CRACD: variants seen among roughly 807,000 people sequenced by gnomAD.
CRACD encodes capping protein inhibiting regulator of actin dynamics.
A neutral mutation model predicts 106.8 loss-of-function variants in CRACD; 56 were observed. The ratio of observed to expected loss-of-function variants is 0.52; its 90% CI spans 0.42 to 0.66. CRACD has a LOEUF of 0.66. Among genes scored for constraint, CRACD ranks in the 30% least tolerant of loss-of-function variants. The pLI, the probability that CRACD is intolerant of heterozygous loss-of-function variation, is 0.00. For synonymous variants in CRACD, 754 were observed against 670.8 expected, an observed-to-expected ratio of 1.12 and a Z score of -1.92; for missense variants, 1,730 against 1,623.2, an observed-to-expected ratio of 1.07 and a Z score of -1.13.
chr4:56,308,295 AT>A (rs1379951790), intron 5 of CRACD, among the ~76,000 whole-genome samples: 2 of 10,856 alleles, frequency 1.8e-4, no homozygotes, highest in East Asian at 2.0e-3. Context: ...AGAAAGTCAC[AT>A]TCCAGCACCA....
chr4:56,079,856 T>C (rs1049720480), intron 1 of CRACD, among the ~76,000 whole-genome samples: 3 of 152,316 alleles, frequency 2.0e-5, no homozygotes, highest in Admixed American at 2.0e-4. Context: ...GGAAGGCAAG[T>C]GTAGGTTTAC....
chr4:56,315,672 G>A lies in CRACD; in HGVS notation c.2170G>A (p.Ala724Thr). The A allele has an allele frequency of 6.2e-7, 1 of 1,614,216 alleles. No individual in the cohort carries two copies. Among genetic ancestry groups the A allele is most frequent in the Non-Finnish European group, 8.5e-7 (1 of 1,180,046 alleles). Reference protein sequence around the residue: ...PVNAKFSIMPAWQKFSDGGTE... With the variant: ...PVNAKFSIMPTWQKFSDGGTE... ...CAATGCAAAGTTCTCTATTATGCCT[G>A]CCTGGCAGAAATTTTCCGATGGTGG... The change falls in exon 8 of 11, where the codon GCC becomes ACC. Residue 724 changes from alanine to threonine, a missense_variant. Ala to Thr is a moderately conservative substitution (Grantham distance 58). Around this residue, in one of 5 missense-constraint regions of CRACD, gnomAD observed 1,620 missense variants for 1,481.6 expected, o/e 1.09. Transcript: ENST00000682029. The surrounding 1 kb of genome is among the most constrained non-coding windows in gnomAD (Gnocchi z 4.1).
At chr4:56,323,154 C>G (rs1746209493) in intron 8 of CRACD, among the ~76,000 whole-genome samples, 1 of 152,152 alleles carries the variant, frequency 6.6e-6, no homozygotes, top group African/African-American at 2.4e-5. Flanking sequence ...GTAACTTCTT[C>G]CATTTCTAGG....
At chr4:56,198,006 A>G (rs1346357765) in intron 2 of CRACD, among the ~76,000 whole-genome samples, 1 of 151,884 alleles carries the variant, frequency 6.6e-6, no homozygotes, top group East Asian at 1.9e-4. Context: ...TAAGAAATGC[A>G]TCCTATTTTT....
intron 1 of CRACD, among the ~76,000 whole-genome samples, chr4:56,132,489 T>C (rs550362572): frequency 2.0e-4 from 31 of 152,200 alleles, no homozygotes; most frequent in African/African-American, 7.0e-4. Flanking sequence ...GCTACAGGGG[T>C]GCACCACCAC....
chr4:56,159,032 G>A (rs1255379845), intron 1 of CRACD, among the ~76,000 whole-genome samples: 3 of 152,206 alleles, frequency 2.0e-5, no homozygotes, highest in Non-Finnish European at 4.4e-5. Context: ...GTGGTTGCAT[G>A]TTGTATGTTA....
At chr4:56,087,365 G>A (rs1320936396) in intron 1 of CRACD, among the ~76,000 whole-genome samples, 1 of 152,162 alleles carries the variant, frequency 6.6e-6, no homozygotes, top group Non-Finnish European at 1.5e-5. Context: ...TGCATTTTCA[G>A]TCCTTTCCTA....
At chr4:56,153,767 A>G (rs556780747) in intron 1 of CRACD, among the ~76,000 whole-genome samples, 2 of 152,308 alleles carry the variant, frequency 1.3e-5, no homozygotes, top group East Asian at 3.9e-4. Context: ...CAAGGGAAAC[A>G]TAACTTCTTT....
At chr4:56,222,492 A>G (rs1015171736) in intron 2 of CRACD, among the ~76,000 whole-genome samples, 5 of 152,208 alleles carry the variant, frequency 3.3e-5, no homozygotes, top group Non-Finnish European at 7.4e-5. Context: ...ACCACTATAT[A>G]ATACATCCAT....
Position 56,300,020 on chromosome 4 carries a change from C to CCT in CRACD, c.120+1672_120+1673insTC, listed in dbSNP as rs541983379. On this transcript the variant is annotated intron_variant, in intron 4 of 10. Coordinates refer to ENST00000682029, the MANE Select transcript of CRACD (RefSeq NM_001393381.1). The stretch of plus-strand genomic sequence containing the variant: ...GGGCGTGGTGGCAGGCGCCTGTAGT[C>CCT]CCAGCTACTCAGGAGGCTGAGGCAG... Among the ~76,000 whole-genome samples, 1,243 of 152,138 alleles carry CCT rather than the reference C, an allele frequency of 8.2e-3. 12 individuals are homozygous for CCT. Among genetic ancestry groups the CCT allele is most frequent in the African/African-American group, 0.029 (1,194 of 41,502 alleles).
chr4:56,217,003 G>A (rs73240528), intron 2 of CRACD, among the ~76,000 whole-genome samples: 2,455 of 110,604 alleles, frequency 0.022, 10 homozygotes, highest in African/African-American at 0.042. Context: ...AAAAAAAAAA[G>A]AAAAAAAAAA....
intron 1 of CRACD, among the ~76,000 whole-genome samples, chr4:56,116,636 G>A (rs1170583977): frequency 2.0e-5 from 3 of 152,102 alleles, no homozygotes; most frequent in Admixed American, 6.6e-5. Flanking sequence ...GTAAACTTAC[G>A]CATTTTAAAT....
chr4:56,243,105 G>A (rs896862044), intron 2 of CRACD, among the ~76,000 whole-genome samples: 1 of 152,180 alleles, frequency 6.6e-6, no homozygotes, highest in African/African-American at 2.4e-5. Flanking sequence ...GGATGACTGG[G>A]TAGAGTCTGC....
intron 1 of CRACD, among the ~76,000 whole-genome samples, chr4:56,101,372 C>T (rs988096827): frequency 9.9e-5 from 15 of 152,002 alleles, no homozygotes; most frequent in Non-Finnish European, 1.9e-4. Flanking sequence ...TAAATTAAGC[C>T]CTTTCCCTGG....
intron 2 of CRACD, among the ~76,000 whole-genome samples, chr4:56,204,140 A>G (rs1263974720): frequency 6.6e-6 from 1 of 152,340 alleles, no homozygotes; most frequent in South Asian, 2.1e-4. Flanking sequence ...ATCCTCATGC[A>G]GGGAACAGTC....
At chr4:56,290,944 T>C (rs549250654) in intron 3 of CRACD, among the ~76,000 whole-genome samples, 1 of 152,366 alleles carries the variant, frequency 6.6e-6, no homozygotes, top group African/African-American at 2.4e-5. Context: ...TTCCTGTCTT[T>C]GTAGAGTTGG....
chr4:56,168,510 A>G (rs927313738), intron 1 of CRACD, among the ~76,000 whole-genome samples: 68 of 151,934 alleles, frequency 4.5e-4, no homozygotes, highest in African/African-American at 1.6e-3. Context: ...CTTACCATGT[A>G]TTTGTTTTTG....
chr4:56,089,951 A>G (rs970978935), intron 1 of CRACD, among the ~76,000 whole-genome samples: 5 of 152,164 alleles, frequency 3.3e-5, no homozygotes, highest in Admixed American at 1.3e-4. Context: ...AATGAGGAGT[A>G]TTACATTGAC....
intron 1 of CRACD, among the ~76,000 whole-genome samples, chr4:56,122,175 T>G (rs775393668): frequency 3.5e-4 from 53 of 149,472 alleles, no homozygotes; most frequent in Non-Finnish European, 7.4e-4. Flanking sequence ...CTTAGTGAGA[T>G]TCCATCTCTT....
Sources: gnomAD v4.1 joint callset for allele counts (sites outside exome capture counted in the v4.1 genomes callset) on GRCh38, gnomAD v4.1.1 for gene constraint, gnomAD v4.1.1 regional missense constraint, Gnocchi (gnomAD v3.1) non-coding constraint, MANE v1.5 for transcripts, NCBI Gene and HGNC (gene_info 2026-07-23, HGNC 2026-07-21) for gene names.